Variants in GPC5 observed in about 807,000 individuals in gnomAD.
The protein encoded by GPC5 is glypican 5.
GPC5 carries 47 observed loss-of-function variants against 53.9 expected under a neutral mutation model. That is an observed-to-expected ratio of 0.87 (90% CI 0.69 to 1.11). The LOEUF (loss-of-function observed/expected upper bound fraction) is 1.11. Among genes scored for constraint, GPC5 ranks in the 50% most tolerant of loss-of-function variants. The pLI, the probability that GPC5 is intolerant of heterozygous loss-of-function variation, is 0.00. For synonymous variants in GPC5, 286 were observed against 263.3 expected, an observed-to-expected ratio of 1.09 and a Z score of -0.84; for missense variants, 748 against 713.1, an observed-to-expected ratio of 1.05 and a Z score of -0.56.
At chr13:92,757,691 CAAAAG>C (rs944947332) in intron 7 of GPC5, among the ~76,000 whole-genome samples, 1 of 152,182 alleles carries the variant, frequency 6.6e-6, no homozygotes, top group Non-Finnish European at 1.5e-5. Context: ...AGACACTTCT[CAAAAG>C]AAGACATTTA....
chr13:92,513,471 GTT>G (rs35892694), intron 7 of GPC5, among the ~76,000 whole-genome samples: 3 of 93,430 alleles, frequency 3.2e-5, no homozygotes, highest in African/African-American at 9.9e-5. Flanking sequence ...GCTTTTTTCT[GTT>G]TTTTTTTTTT....
intron 2 of GPC5, among the ~76,000 whole-genome samples, chr13:91,563,739 G>A (rs2031395254): frequency 6.6e-6 from 1 of 152,068 alleles, no homozygotes; most frequent in Non-Finnish European, 1.5e-5. Flanking sequence ...TACCAGCGAA[G>A]TTCTTTGCCT....
chr13:91,701,732 T>C (rs908058904), intron 3 of GPC5, among the ~76,000 whole-genome samples: 1 of 152,240 alleles, frequency 6.6e-6, no homozygotes, highest in Non-Finnish European at 1.5e-5. Flanking sequence ...ATCTTGACTA[T>C]TGTGAATACT....
At chr13:92,096,753 C>T (rs964261363) in intron 6 of GPC5, among the ~76,000 whole-genome samples, 1 of 152,172 alleles carries the variant, frequency 6.6e-6, no homozygotes, top group African/African-American at 2.4e-5. Flanking sequence ...GTATGTTGTT[C>T]TTGGCTTCCC....
At chr13:92,383,920 C>G (rs1028259624) in intron 7 of GPC5, among the ~76,000 whole-genome samples, 1 of 152,042 alleles carries the variant, frequency 6.6e-6, no homozygotes, top group Non-Finnish European at 1.5e-5. Context: ...AAATTAGATA[C>G]TGAGAGAAAT....
chr13:92,637,202 A>C (rs1489136663), intron 7 of GPC5, among the ~76,000 whole-genome samples: 2 of 152,206 alleles, frequency 1.3e-5, no homozygotes, highest in Admixed American at 6.6e-5. Context: ...AAATCTGATC[A>C]TTAAATTTAG....
At chr13:92,052,390 T>G (rs1201354981) in intron 6 of GPC5, among the ~76,000 whole-genome samples, 2 of 152,084 alleles carry the variant, frequency 1.3e-5, no homozygotes, top group African/African-American at 4.8e-5. Context: ...CAAGATTTAT[T>G]GTGAAGAGCG....
At position 92,444,368 on chromosome 13, in the gene GPC5, C is replaced by A. The variant is rs145588526; in HGVS notation, c.1561+299379C>A. ...ATTTATCTAATAAATATTTATTGAG[C>A]AGCCTCTGTGTGCCAGGAATTATAC... On this transcript the variant is annotated intron_variant, in intron 7 of 7. Coordinates refer to ENST00000377067, the MANE Select transcript of GPC5 (RefSeq NM_004466.6). Among the ~76,000 whole-genome samples, 278 of 152,154 alleles carry A rather than the reference C, an allele frequency of 1.8e-3. 1 individual carries two copies. Among genetic ancestry groups the A allele is most frequent in the African/African-American group, 6.2e-3 (258 of 41,502 alleles).
intron 5 of GPC5, among the ~76,000 whole-genome samples, chr13:91,861,057 A>G (rs2138911640): frequency 6.6e-6 from 1 of 152,282 alleles, no homozygotes; most frequent in Admixed American, 6.5e-5. Context: ...TTTCGAATTA[A>G]ATTTTATTGT....
intron 7 of GPC5, among the ~76,000 whole-genome samples, chr13:92,859,077 C>T (rs930655157): frequency 6.6e-6 from 1 of 151,888 alleles, no homozygotes; most frequent in Non-Finnish European, 1.5e-5. Flanking sequence ...CCCATCTCTA[C>T]AAAAAACTTT....
At chr13:92,666,898 T>C (rs977604841) in intron 7 of GPC5, among the ~76,000 whole-genome samples, 9 of 152,200 alleles carry the variant, frequency 5.9e-5, no homozygotes, top group African/African-American at 1.2e-4. Flanking sequence ...ATTCCCCTCA[T>C]AGTTGCTTCA....
At position 92,663,877 on chromosome 13, in the gene GPC5, T is replaced by C. The variant is rs868436779; in HGVS notation, c.1562-202405T>C. On this transcript the variant is annotated intron_variant, in intron 7 of 7. Transcript: ENST00000377067. ...CACACTATATATATATATATATATATATATATATATATATATATATATATA... is the reference window on the plus strand; with the variant it reads ...CACACTATATATATATATATATATACATATATATATATATATATATATATA... Among the ~76,000 whole-genome samples the C allele has an allele frequency of 7.0e-5, 4 of 57,406 alleles. No homozygotes were observed. In the East Asian group the frequency reaches 2.8e-3, roughly 40 times the overall value. The allele number at this position is 57,406 out of a possible 152,430, so 37.7% of individuals were successfully genotyped here.
At chr13:91,571,769 G>GTGTGTA (rs1555325776) in intron 2 of GPC5, among the ~76,000 whole-genome samples, 2 of 114,302 alleles carry the variant, frequency 1.7e-5, no homozygotes, top group African/African-American at 3.6e-5. Flanking sequence ...ATGTGTATGT[G>GTGTGTA]TATATACACA....
At chr13:92,817,146 A>T (rs1877504150) in intron 7 of GPC5, among the ~76,000 whole-genome samples, 1 of 152,148 alleles carries the variant, frequency 6.6e-6, no homozygotes, top group Admixed American at 6.5e-5. Flanking sequence ...CTAAATTATC[A>T]TACTTATTTT....
At chr13:92,502,963 T>C (rs1328806888) in intron 7 of GPC5, among the ~76,000 whole-genome samples, 2 of 151,888 alleles carry the variant, frequency 1.3e-5, no homozygotes, top group African/African-American at 2.4e-5. Context: ...GTTCAGCAAA[T>C]ATAAGGAATT....
chr13:91,532,261 T>C (rs1393159337), intron 2 of GPC5, among the ~76,000 whole-genome samples: 1 of 152,174 alleles, frequency 6.6e-6, no homozygotes, highest in East Asian at 1.9e-4. Context: ...CATTCAGCAG[T>C]TGGATAATCC....
At chr13:91,673,662 C>T (rs994917354) in intron 2 of GPC5, among the ~76,000 whole-genome samples, 5 of 152,028 alleles carry the variant, frequency 3.3e-5, no homozygotes, top group African/African-American at 1.2e-4. Context: ...TACTCCATGT[C>T]AGTGCTTTTA....
At chr13:91,851,064 T>C (rs996309520) in intron 5 of GPC5, among the ~76,000 whole-genome samples, 1 of 152,112 alleles carries the variant, frequency 6.6e-6, no homozygotes, top group African/African-American at 2.4e-5. Flanking sequence ...GCACTACAAA[T>C]GCACATAAAA....
intron 6 of GPC5, among the ~76,000 whole-genome samples, chr13:92,062,937 T>C (rs1016592019): frequency 5.3e-5 from 8 of 151,964 alleles, no homozygotes; most frequent in South Asian, 2.1e-4. Context: ...CCCTTGAAGT[T>C]TGGGGAGGAA....
Sources: allele counts gnomAD v4.1 joint callset (sites outside exome capture counted in the v4.1 genomes callset), GRCh38; gene constraint gnomAD v4.1.1; transcripts MANE v1.5; gene names NCBI Gene and HGNC (gene_info 2026-07-23, HGNC 2026-07-21).